Variants in MAPK8IP3 observed in about 807,000 individuals in gnomAD.
MAPK8IP3 encodes the protein C-Jun-amino-terminal kinase-interacting protein 3.
Under a neutral mutation model 157.8 loss-of-function variants are expected in MAPK8IP3, and 49 were observed. The ratio of observed to expected loss-of-function variants is 0.31; its 90% CI spans 0.25 to 0.39. MAPK8IP3 has a LOEUF of 0.39. Ranked by LOEUF, MAPK8IP3 falls within the 10% of genes least tolerant of loss-of-function variation. The pLI, the probability that MAPK8IP3 is intolerant of heterozygous loss-of-function variation, is 1.00. For missense variants in MAPK8IP3, 1,478 were observed against 1,889.4 expected, an observed-to-expected ratio of 0.78 and a Z score of 4.04; for synonymous variants, 897 against 777.7, an observed-to-expected ratio of 1.15 and a Z score of -2.55.
At chr16:1,765,647 G>T (rs1291482629) in intron 20 of MAPK8IP3, among the ~76,000 whole-genome samples, 1 of 152,204 alleles carries the variant, frequency 6.6e-6, no homozygotes, top group African/African-American at 2.4e-5. Context: ...CAGGTCTCTG[G>T]TGTGAAACCA....
intron 6 of MAPK8IP3, 110 bp downstream of exon 6, chr16:1,747,385 G>T: frequency 6.9e-7 from 1 of 1,440,888 alleles, no homozygotes; most frequent in Middle Eastern, 1.8e-4. Context: ...GCAGAGACGT[G>T]TTCCTCACAG....
In MAPK8IP3 at chr16:1,743,621, A is replaced by C; in HGVS notation, c.747+145A>C. ...CCCTTCGTGTGTGGCAGGATGGAGA[A>C]ACCCAGCCAGGGTGTCAGGGGCTCA... On this transcript the variant is annotated intron_variant, in intron 5 of 31. Transcript: ENST00000610761. The surrounding 1 kb of genome is among the most constrained non-coding windows in gnomAD (Gnocchi z 5.6). The C allele has an allele frequency of 2.1e-6, 3 of 1,449,546 alleles. No homozygotes were observed. The highest frequency in any genetic ancestry group is 2.7e-6 in the Non-Finnish European group (3 of 1,108,782). 89.8% of individuals were successfully genotyped at this position (1,449,546 alleles called of 1,614,324 possible).
chr16:1,737,102 C>T (rs2039992090), intron 4 of MAPK8IP3, among the ~76,000 whole-genome samples: 1 of 71,922 alleles, frequency 1.4e-5, no homozygotes, highest in South Asian at 9.7e-4. Flanking sequence ...GTGTGACCAT[C>T]CATGTGAGCA....
chr16:1,709,807 C>G (rs977538727), intron 1 of MAPK8IP3, among the ~76,000 whole-genome samples: 2 of 152,218 alleles, frequency 1.3e-5, no homozygotes, highest in African/African-American at 4.8e-5. Context: ...TGATCAACTG[C>G]TTAGCTTACA....
intron 4 of MAPK8IP3, among the ~76,000 whole-genome samples, chr16:1,731,744 C>T (rs2039330677): frequency 6.6e-6 from 1 of 152,224 alleles, no homozygotes; most frequent in African/African-American, 2.4e-5. Context: ...GTAGAACTGA[C>T]CGGAATGCAT....
chr16:1,743,313 C>T lies in MAPK8IP3; in HGVS notation c.603-19C>T. 1 of 1,541,732 alleles carries T rather than the reference C, an allele frequency of 6.5e-7. No individual in the cohort carries two copies. The highest frequency in any genetic ancestry group is 8.7e-7 in the Non-Finnish European group (1 of 1,152,102). On this transcript the variant is annotated intron_variant, in intron 4 of 31. Transcript: ENST00000610761. This position sits in a 1 kb window ranked among gnomAD's most constrained non-coding sequence, Gnocchi z 5.6. ...CACCCTCTAACCATCGCTTCCTCTC[C>T]TCTCGCCCCCCATTTCAGCAGGAAG... is the stretch of plus-strand genomic sequence containing the variant.
chr16:1,710,206 G>A lies in MAPK8IP3; in HGVS notation c.318+3549G>A, dbSNP rs1258463432. 6.6e-6 allele frequency among the ~76,000 whole-genome samples: 1 copy of A among 151,144 alleles called. No individual in the cohort carries two copies. Among genetic ancestry groups the A allele is most frequent in the Non-Finnish European group, 1.5e-5 (1 of 67,808 alleles). Reference sequence around the variant, plus strand: ...GGACTCAAGCAATCCTCCCACCTCAGCCTCCCAACATTTGACATTGAACTC... The same window carrying A: ...GGACTCAAGCAATCCTCCCACCTCAACCTCCCAACATTTGACATTGAACTC... On this transcript the variant is annotated intron_variant, in intron 1 of 31. Coordinates refer to ENST00000610761, the MANE Select transcript of MAPK8IP3 (RefSeq NM_001318852.2). This position sits in a 1 kb window ranked among gnomAD's most constrained non-coding sequence, Gnocchi z 4.1.
intron 4 of MAPK8IP3, among the ~76,000 whole-genome samples, chr16:1,733,465 G>GGGCCA (rs1164395992): frequency 1.3e-5 from 2 of 152,216 alleles, no homozygotes; most frequent in Non-Finnish European, 2.9e-5. Flanking sequence ...CCGTCGTCAT[G>GGGCCA]GGCCAGGCCA....
chr16:1,748,970 T>C (rs1382840997), intron 8 of MAPK8IP3: 3 of 643,204 alleles, frequency 4.7e-6, no homozygotes, highest in Non-Finnish European at 8.8e-6. Context: ...GGTGTAGTGT[T>C]TGCACCCTCC....
intron 8 of MAPK8IP3, among the ~76,000 whole-genome samples, chr16:1,755,808 C>T (rs1007863024): frequency 6.9e-6 from 1 of 145,726 alleles, no homozygotes; most frequent in Non-Finnish European, 1.5e-5. Context: ...GCCAAGATCG[C>T]GCCGTTGCAC....
chr16:1,762,738 T>C lies in MAPK8IP3; in HGVS notation c.1727+7T>C. 1 of 1,578,946 alleles carries C rather than the reference T, an allele frequency of 6.3e-7. No individual in the cohort carries two copies. The highest frequency in any genetic ancestry group is 8.6e-7 in the Non-Finnish European group (1 of 1,160,406). Reference sequence around the variant, plus strand: ...AGTCGACCATCTGGCAGTTGTAAGCTGGGGGCCCCTGGGGGATGTGGGCAG... The same window carrying C: ...AGTCGACCATCTGGCAGTTGTAAGCCGGGGGCCCCTGGGGGATGTGGGCAG... On this transcript the variant is annotated splice_region_variant and intron_variant, in intron 15 of 31. Transcript: ENST00000610761.
At chr16:1,729,988 T>C (rs2039189634) in intron 4 of MAPK8IP3, among the ~76,000 whole-genome samples, 1 of 135,246 alleles carries the variant, frequency 7.4e-6, no homozygotes, top group African/African-American at 2.8e-5. Flanking sequence ...GCAGGAGGAT[T>C]ACTTGAGCCC....
intron 19 of MAPK8IP3, 68 bp downstream of exon 19, chr16:1,764,527 T>TGCCA (rs2042144871): frequency 1.9e-6 from 3 of 1,550,672 alleles, no homozygotes; most frequent in Non-Finnish European, 2.6e-6. Flanking sequence ...CTGCAGAGCA[T>TGCCA]GCTGGGAGTG....
At chr16:1,736,797 C>T (rs1483713968) in intron 4 of MAPK8IP3, among the ~76,000 whole-genome samples, 4 of 44,188 alleles carry the variant, frequency 9.1e-5, no homozygotes, top group Non-Finnish European at 1.1e-4. Context: ...TGTGACCGTC[C>T]GTGTGAGCGT....
chr16:1,763,635 C>A, intron 16 of MAPK8IP3, 22 bp from the exon 17 acceptor site: 1 of 1,534,028 alleles, frequency 6.5e-7, no homozygotes, highest in Non-Finnish European at 8.8e-7. Flanking sequence ...ACAGAGACAT[C>A]ACCCATCATT....
intron 8 of MAPK8IP3, among the ~76,000 whole-genome samples, chr16:1,756,453 C>T (rs766837149): frequency 3.3e-5 from 5 of 151,920 alleles, no homozygotes; most frequent in Non-Finnish European, 7.4e-5. Flanking sequence ...CGCCACTTCA[C>T]TCCAACGTGG....
At chr16:1,736,709 TGTGAGCGTGTGA>T (rs2039895049) in intron 4 of MAPK8IP3, among the ~76,000 whole-genome samples, 1 of 67,626 alleles carries the variant, frequency 1.5e-5, no homozygotes, top group East Asian at 4.6e-4. Flanking sequence ...TGAGCGTCCG[TGTGAGCGTGTGA>T]CCGTCCGTGT....
Position 1,763,739 on chromosome 16 carries a change from C to T in MAPK8IP3, c.1981C>T (p.Arg661Cys), listed in dbSNP as rs747362583. The T allele has an allele frequency of 2.5e-6, 4 of 1,591,514 alleles. No homozygotes were observed. The highest frequency in any genetic ancestry group is 2.2e-5 in the South Asian group (2 of 88,940). The stretch of plus-strand genomic sequence containing the variant: ...TGAGCACGTGCGTAACGACGACGGC[C>T]GTCTGCAGGCCTGCGGCTGGAGCCT... ...VREHVRNDDG[R>C]LQACGWSLPA... Residue 661 changes from arginine (R) to cysteine (C), a missense_variant, in exon 17 of 32, where the codon CGT becomes TGT. By Grantham distance (180) the Arg-to-Cys change is radical. Transcript: ENST00000610761.
chr16:1,727,028 CTG>C (rs1398400014), intron 2 of MAPK8IP3, among the ~76,000 whole-genome samples: 2 of 145,326 alleles, frequency 1.4e-5, no homozygotes, highest in East Asian at 2.1e-4. Flanking sequence ...TGTGCGGCAT[CTG>C]TGTGAGTCAT....
Sources: allele counts gnomAD v4.1 joint callset (sites outside exome capture counted in the v4.1 genomes callset), GRCh38; gene constraint gnomAD v4.1.1; non-coding constraint Gnocchi (gnomAD v3.1); transcripts MANE v1.5; gene names NCBI Gene and HGNC (gene_info 2026-07-23, HGNC 2026-07-21).